The following NT5C1A variants were observed in gnomAD, a reference collection of about 807,000 sequenced individuals.
The protein encoded by NT5C1A is 5'-nucleotidase, cytosolic IA.
In NT5C1A, 18 loss-of-function variants were observed where a neutral mutation model predicts 31.0. That is an observed-to-expected ratio of 0.58 (90% CI 0.40 to 0.86). The LOEUF (loss-of-function observed/expected upper bound fraction) is 0.86. NT5C1A is among the 40% of genes least tolerant of loss of function. NT5C1A has a pLI of 0.00. For missense variants in NT5C1A, 470 were observed against 505.4 expected (o/e 0.93, Z 0.67); for synonymous variants, 185 against 203.6 (o/e 0.91, Z 0.78).
In NT5C1A at chr1:39,656,491, A is replaced by G. The variant is rs1646459834; in HGVS notation, c.*2630T>C. Among the ~76,000 whole-genome samples the G allele has an allele frequency of 6.6e-6, 1 of 152,190 alleles. No individual in the cohort carries two copies. ...GACTCTTAGTGTTTCTCCATTGCCC[A>G]GGGCTGTCTGTGTCTATTAATGATG... is the stretch of plus-strand genomic sequence containing the variant. On this transcript the variant is annotated 3_prime_UTR_variant, in exon 6 of 6. Coordinates refer to ENST00000235628, the MANE Select transcript of NT5C1A (RefSeq NM_032526.3).
Position 39,666,067 on chromosome 1 carries a change from A to C in NT5C1A, c.303+2T>G. 1 of 1,611,848 alleles carries C rather than the reference A, an allele frequency of 6.2e-7. No homozygotes were observed. The highest frequency in any genetic ancestry group is 1.1e-5 in the South Asian group (1 of 90,740). ...GAGCTAGTGGTGGAACTGCTCCCTCACCTTCACAAAAGGGAAGGCTGGCCC... is the reference window on the plus strand; with the variant it reads ...GAGCTAGTGGTGGAACTGCTCCCTCCCCTTCACAAAAGGGAAGGCTGGCCC... On this transcript the variant is annotated splice_donor_variant, in intron 2 of 5. Coordinates refer to ENST00000235628, the MANE Select transcript of NT5C1A (RefSeq NM_032526.3). LOFTEE classifies it high-confidence loss of function.
rs751819187 is a variant in NT5C1A, at chr1:39,659,159, G to A, written c.1069C>T (p.Arg357Trp). ...GGGGCCTGCTTTGCAGGTGCAGTCCGCCGGGGTGTCTGTGCCACACCATAA... is the reference window on the plus strand; with the variant it reads ...GGGGCCTGCTTTGCAGGTGCAGTCCACCGGGGTGTCTGTGCCACACCATAA... ...VPYGVAQTPRRTAPAKQAPSA... is the reference protein window; with the variant it reads ...VPYGVAQTPRWTAPAKQAPSA... Residue 357 changes from arginine to tryptophan, a missense_variant, in exon 6 of 6, where the codon CGG (arginine) becomes TGG (tryptophan). Physicochemically the swap from Arg to Trp is moderately radical, Grantham distance 101 (BLOSUM62 -3). Coordinates refer to ENST00000235628, the MANE Select transcript of NT5C1A (RefSeq NM_032526.3). The A allele has an allele frequency of 1.4e-5, 23 of 1,610,906 alleles. No individual in the cohort carries two copies. Among genetic ancestry groups the A allele is most frequent in the Admixed American group, 5.0e-5 (3 of 59,896 alleles).
intron 1 of NT5C1A, among the ~76,000 whole-genome samples, chr1:39,669,834 T>C (rs1227304165): frequency 6.6e-6 from 1 of 152,204 alleles, no homozygotes; most frequent in Non-Finnish European, 1.5e-5. Flanking sequence ...ACTGGTGGGT[T>C]TGCTGCCGGA....
intron 3 of NT5C1A, 103 bp from the exon 4 acceptor site, chr1:39,663,537 C>CGGCA (rs1646502869): frequency 8.4e-7 from 1 of 1,190,306 alleles, no homozygotes; most frequent in Non-Finnish European, 1.2e-6. Context: ...GGGTGTGGTA[C>CGGCA]GGCAGCACAG....
In NT5C1A at chr1:39,671,904, C is replaced by T; in HGVS notation, c.135G>A (p.Ser45=). The T allele has an allele frequency of 3.1e-6, 5 of 1,613,486 alleles. No individual in the cohort carries two copies. Among genetic ancestry groups the T allele is most frequent in the Non-Finnish European group, 4.2e-6 (5 of 1,179,840 alleles). The part of the protein sequence containing the change: ...DNLAPKKKPK[S]PKPQNAVTIA... ...CCGCATACCCGTGCATTGCTTTTAC[C>T]GATTTGGGTTTCTTCTTGGGCGCGA... is the stretch of plus-strand genomic sequence containing the variant. Residue 45 remains serine (S), a splice_region_variant and synonymous_variant, in exon 1 of 6, where the codon TCG becomes TCA. Transcript: ENST00000235628.
rs955631482 is a variant in NT5C1A at position 39,666,184 on chromosome 1, C to A, written c.188G>T (p.Arg63Leu). The A allele has an allele frequency of 3.8e-6, 6 of 1,573,898 alleles. No homozygotes were observed. The Admixed American group carries it at 1.1e-4, about 28-fold the overall frequency. ...GTAGATCTGCTGCTCCTCGTCCATG[C>A]GAAACAAGGCTCGGGAGGACACAGC... is the stretch of plus-strand genomic sequence containing the variant. ...TIAVSSRALF[R>L]MDEEQQIYTE... Residue 63 changes from arginine (R) to leucine (L), a missense_variant, in exon 2 of 6, where the codon CGC becomes CTC. By Grantham distance (102) the Arg-to-Leu change is moderately radical (BLOSUM62 -2). Transcript: ENST00000235628.
intron 1 of NT5C1A, among the ~76,000 whole-genome samples, chr1:39,671,114 C>G (rs969996103): frequency 2.8e-4 from 43 of 152,300 alleles, no homozygotes; most frequent in African/African-American, 1.0e-3. Context: ...CCTCTATTCT[C>G]GGTTTTCTCC....
Position 39,659,195 on chromosome 1 carries a change from C to T in NT5C1A, c.1033G>A (p.Ala345Thr), listed in dbSNP as rs142090442. 1.4e-5 allele frequency: 22 copies of T among 1,613,914 alleles called. No homozygotes were observed. Among genetic ancestry groups the T allele is most frequent in the East Asian group, 1.1e-4 (5 of 44,896 alleles). ...AGAQEMGTVAAHVPYGVAQTP... is the reference protein window; with the variant it reads ...AGAQEMGTVATHVPYGVAQTP... ...TGTGCCACACCATAAGGCACATGGGCGGCCACAGTGCCCATCTCCTGAGCC... is the reference window on the plus strand; with the variant it reads ...TGTGCCACACCATAAGGCACATGGGTGGCCACAGTGCCCATCTCCTGAGCC... The change falls in exon 6 of 6, where the codon GCC becomes ACC. Residue 345 changes from alanine (A) to threonine (T), a missense_variant. By Grantham distance (58) the Ala-to-Thr change is moderately conservative. Transcript: ENST00000235628.
In NT5C1A at chr1:39,655,615, A is replaced by G; in HGVS notation, c.*3506T>C. Reference sequence around the variant, plus strand: ...GGTTGAAAACCTGGGTCCTAGAATCAGATGGACATGAGTTTGAGTCCCAGC... The same window carrying G: ...GGTTGAAAACCTGGGTCCTAGAATCGGATGGACATGAGTTTGAGTCCCAGC... On this transcript the variant is annotated 3_prime_UTR_variant, in exon 6 of 6. Coordinates refer to ENST00000235628, the MANE Select transcript of NT5C1A (RefSeq NM_032526.3). 6.6e-6 allele frequency among the ~76,000 whole-genome samples: 1 copy of G among 152,180 alleles called. No homozygotes were observed. The highest frequency in any genetic ancestry group is 6.5e-5 in the Admixed American group (1 of 15,274).
intron 1 of NT5C1A, among the ~76,000 whole-genome samples, chr1:39,669,054 C>G (rs1053532594): frequency 5.3e-5 from 8 of 152,182 alleles, no homozygotes; most frequent in Admixed American, 2.0e-4. Context: ...GCAGGGGCAT[C>G]TAGGAACAGT....
intron 4 of NT5C1A, among the ~76,000 whole-genome samples, chr1:39,661,824 G>T (rs572459937): frequency 6.6e-6 from 1 of 152,322 alleles, no homozygotes; most frequent in East Asian, 1.9e-4. Flanking sequence ...GGGCCTCTCA[G>T]CTCTGGGGCT....
rs755046790 is a variant in NT5C1A at position 39,663,345 on chromosome 1, C to A, written c.523G>T (p.Asp175Tyr). 2 of 1,613,996 alleles carry A rather than the reference C, an allele frequency of 1.2e-6. No homozygotes were observed. Among genetic ancestry groups the A allele is most frequent in the African/African-American group, 2.7e-5 (2 of 74,898 alleles). The change falls in exon 4 of 6, where the codon GAT becomes TAT. Residue 175 changes from aspartate (D) to tyrosine (Y), a missense_variant. Asp to Tyr is a radical substitution (Grantham distance 160). Transcript: ENST00000235628. ...ATGGCTTCTCGCACTTTTTCCGCAT[C>A]GGCTGACAAGTAGAGGTTGGTGTGA... The part of the protein sequence containing the change: ...AYHTNLYLSA[D>Y]AEKVREAIDE...
At chr1:39,671,344 G>A (rs780538038) in intron 1 of NT5C1A, among the ~76,000 whole-genome samples, 9 of 152,214 alleles carry the variant, frequency 5.9e-5, no homozygotes, top group African/African-American at 1.2e-4. Flanking sequence ...CAGGGGCGCC[G>A]ATCGCCCCCC....
rs1646433479 is a variant in NT5C1A, at chr1:39,651,789, G to A, written c.*7332C>T. ...TCACGCCTGTAATCCCAGCACTTTGGGAGGCAGAGGCTGGTGGATCACCTG... is the reference window on the plus strand; with the variant it reads ...TCACGCCTGTAATCCCAGCACTTTGAGAGGCAGAGGCTGGTGGATCACCTG... On this transcript the variant is annotated 3_prime_UTR_variant, in exon 6 of 6. Transcript: ENST00000235628. Among the ~76,000 whole-genome samples, 1 of 151,970 alleles carries A rather than the reference G, an allele frequency of 6.6e-6. No individual in the cohort carries two copies. The highest frequency in any genetic ancestry group is 1.5e-5 in the Non-Finnish European group (1 of 67,994).
chr1:39,666,353 C>T, intron 1 of NT5C1A, 117 bp from the exon 2 acceptor site: 1 of 960,654 alleles, frequency 1.0e-6, no homozygotes, highest in Non-Finnish European at 1.6e-6. Context: ...CAGTCTCTAC[C>T]TAAAGAGGCC....
intron 3 of NT5C1A, 101 bp from the exon 4 acceptor site, chr1:39,663,535 T>C: frequency 8.2e-7 from 1 of 1,223,034 alleles, no homozygotes; most frequent in Non-Finnish European, 1.2e-6. Context: ...CTGGGTGTGG[T>C]ACGGCAGCAC....
Position 39,671,997 on chromosome 1 carries a change from C to G in NT5C1A, c.42G>C (p.Glu14Asp). ...GQPREPQEPR[E>D]PGPGAETAAA... Reference sequence around the variant, plus strand: ...CAGCGGTCTCCGCTCCTGGCCCGGGCTCGCGGGGCTCCTGGGGCTCCCGGG... The same window carrying G: ...CAGCGGTCTCCGCTCCTGGCCCGGGGTCGCGGGGCTCCTGGGGCTCCCGGG... The change falls in exon 1 of 6, where the codon GAG becomes GAC. Residue 14 changes from glutamate to aspartate, a missense_variant. Physicochemically the swap from Glu to Asp is conservative, Grantham distance 45. Transcript: ENST00000235628. 1 of 1,608,542 alleles carries G rather than the reference C, an allele frequency of 6.2e-7. No individual in the cohort carries two copies. The highest frequency in any genetic ancestry group is 2.2e-5 in the East Asian group (1 of 44,776).
rs1275164927 is a variant in NT5C1A, at chr1:39,656,985, C to A, written c.*2136G>T. On this transcript the variant is annotated 3_prime_UTR_variant, in exon 6 of 6. Coordinates refer to ENST00000235628, the MANE Select transcript of NT5C1A (RefSeq NM_032526.3). ...CTAGGCTTGGAGCTCTGGAAGTAGA[C>A]ACAACCCGGGTCTTCTGCCCCAAGG... Among the ~76,000 whole-genome samples, 7 of 152,232 alleles carry A rather than the reference C, an allele frequency of 4.6e-5. No individual in the cohort carries two copies. The highest frequency in any genetic ancestry group is 8.8e-5 in the Non-Finnish European group (6 of 68,032).
intron 1 of NT5C1A, among the ~76,000 whole-genome samples, chr1:39,667,454 G>A (rs1646529541): frequency 6.6e-6 from 1 of 152,134 alleles, no homozygotes; most frequent in African/African-American, 2.4e-5. Flanking sequence ...ACATCTCTGT[G>A]TCCTGAGCAG....
Sources: allele counts gnomAD v4.1 joint callset (sites outside exome capture counted in the v4.1 genomes callset), GRCh38; gene constraint gnomAD v4.1.1; transcripts MANE v1.5; gene names NCBI Gene and HGNC (gene_info 2026-07-23, HGNC 2026-07-21).